The following LCOR variants were observed in gnomAD, a reference collection of about 807,000 sequenced individuals.
LCOR encodes the protein ligand dependent nuclear receptor corepressor.
Under a neutral mutation model 64.4 loss-of-function variants are expected in LCOR, and 14 were observed. The observed-to-expected ratio is 0.22, with a 90% CI of 0.14 to 0.34. The LOEUF is 0.34. Ranked by LOEUF, LCOR falls within the 10% of genes least tolerant of loss-of-function variation. The pLI is 1.00. For missense variants in LCOR, 1,686 were observed against 1,765.3 expected (o/e 0.96, Z 0.80); for synonymous variants, 643 against 642.5 (o/e 1.00, Z -0.01).
intron 2 of LCOR, among the ~76,000 whole-genome samples, chr10:96,856,305 G>A (rs142055418): frequency 2.0e-5 from 3 of 152,148 alleles, no homozygotes; most frequent in African/African-American, 7.2e-5. Flanking sequence ...CTTGTGATCC[G>A]CCCACTTGGC....
chr10:96,901,401 A>G (rs1846635250), intron 2 of LCOR, among the ~76,000 whole-genome samples: 1 of 152,164 alleles, frequency 6.6e-6, no homozygotes, highest in African/African-American at 2.4e-5. Flanking sequence ...TATTTTAAGT[A>G]AAATTAAGTG....
At chr10:96,910,337 T>C (rs891559598) in intron 4 of LCOR, among the ~76,000 whole-genome samples, 6 of 152,288 alleles carry the variant, frequency 3.9e-5, no homozygotes, top group Non-Finnish European at 7.3e-5. Flanking sequence ...ATTTGACAGC[T>C]CAGCTGGTTC....
intron 4 of LCOR, among the ~76,000 whole-genome samples, chr10:96,937,883 G>A (rs1051171512): frequency 1.2e-4 from 18 of 152,240 alleles, no homozygotes; most frequent in African/African-American, 3.6e-4. Context: ...CATATAAAAA[G>A]TGTTATACAC....
At chr10:96,837,585 G>A (rs551236435) in intron 2 of LCOR, among the ~76,000 whole-genome samples, 9 of 152,230 alleles carry the variant, frequency 5.9e-5, no homozygotes, top group Admixed American at 3.3e-4. Context: ...ACCTTTACAG[G>A]GACAATATTA....
intron 7 of LCOR, among the ~76,000 whole-genome samples, chr10:96,976,002 C>T (rs1158727904): frequency 6.6e-6 from 1 of 152,040 alleles, no homozygotes; most frequent in Admixed American, 6.6e-5. Flanking sequence ...GCAACAACAG[C>T]GAAACACACA....
intron 7 of LCOR, chr10:96,955,364 A>C (rs745893814): frequency 6.2e-7 from 1 of 1,614,172 alleles, no homozygotes; most frequent in South Asian, 1.1e-5. Flanking sequence ...TGAGCCATTC[A>C]TCTCCTGTAG....
chr10:96,956,230 TG>T, intron 7 of LCOR: 1 of 1,050,510 alleles, frequency 9.5e-7, no homozygotes, highest in Non-Finnish European at 1.1e-6. Flanking sequence ...CATGCTTTTT[TG>T]TTTTTTTTTG....
chr10:96,930,678 C>G (rs189244871), intron 4 of LCOR, among the ~76,000 whole-genome samples: 77 of 152,266 alleles, frequency 5.1e-4, no homozygotes. Context: ...GGGTCCTCTC[C>G]AAAATTCAGG....
chr10:96,920,135 C>T (rs569635410), intron 4 of LCOR, among the ~76,000 whole-genome samples: 1 of 151,382 alleles, frequency 6.6e-6, no homozygotes, highest in Non-Finnish European at 1.5e-5. Flanking sequence ...CCAATTTTTC[C>T]GCATTGTTGC....
In LCOR at chr10:96,991,062, C is replaced by T. The variant is rs796603067; in HGVS notation, c.*5928C>T. On this transcript the variant is annotated 3_prime_UTR_variant, in exon 8 of 8. Coordinates refer to ENST00000421806, the MANE Select transcript of LCOR (RefSeq NM_001346516.2). ...AAAAAAAAAGCAACTATATGTGGCCCGCATAGCCTGAAATATTTACTTCCT... is the reference window on the plus strand; with the variant it reads ...AAAAAAAAAGCAACTATATGTGGCCTGCATAGCCTGAAATATTTACTTCCT... 6.7e-6 allele frequency: 1 copy of T among 149,322 alleles called. No homozygotes were observed. The highest frequency in any genetic ancestry group is 1.5e-5 in the Non-Finnish European group (1 of 67,736). The allele number at this position is 149,322 out of a possible 1,614,324, so 9.2% of individuals were successfully genotyped here.
chr10:96,833,323 G>C (rs1057381810), intron 1 of LCOR, 83 bp from the exon 2 acceptor site: 1 of 951,998 alleles, frequency 1.1e-6, no homozygotes, highest in Non-Finnish European at 1.3e-6. Flanking sequence ...CGGAGGGAGC[G>C]CGGACGGGGG....
chr10:96,843,962 A>G (rs1476267465), intron 2 of LCOR, among the ~76,000 whole-genome samples: 2 of 152,198 alleles, frequency 1.3e-5, no homozygotes, highest in African/African-American at 4.8e-5. Flanking sequence ...TGTTGTTAAC[A>G]TCTGTTTTAC....
At chr10:96,912,056 C>T (rs557032030) in intron 4 of LCOR, among the ~76,000 whole-genome samples, 18 of 152,040 alleles carry the variant, frequency 1.2e-4, no homozygotes, top group Non-Finnish European at 8.8e-5. Flanking sequence ...CTCAGTCTCC[C>T]GAGTAGCTGT....
chr10:96,848,973 A>C (rs1287799773), intron 2 of LCOR, among the ~76,000 whole-genome samples: 1 of 147,884 alleles, frequency 6.8e-6, no homozygotes, highest in Non-Finnish European at 1.5e-5. Context: ...CAAGAAACTG[A>C]ATTAATTTTT....
rs566901067 is a variant in LCOR, at chr10:96,865,444, C to T, written c.-330+31965C>T. ...ATGAAGGCATTCTTAGGCAGACATT[C>T]TGTCAGTTTCTATCTCTCTCTTTCC... On this transcript the variant is annotated intron_variant, in intron 2 of 7. Transcript: ENST00000421806. Among the ~76,000 whole-genome samples, 3 of 152,274 alleles carry T rather than the reference C, an allele frequency of 2.0e-5. No individual in the cohort carries two copies. In the South Asian group the frequency reaches 6.2e-4, roughly 32 times the overall value.
At position 96,851,492 on chromosome 10, in the gene LCOR, A is replaced by G. The variant is rs536549517; in HGVS notation, c.-330+18013A>G. Among the ~76,000 whole-genome samples the G allele has an allele frequency of 4.5e-4, 69 of 152,356 alleles. 1 individual carries two copies. The highest frequency in any genetic ancestry group is 8.7e-4 in the Non-Finnish European group (59 of 68,036). On this transcript the variant is annotated intron_variant, in intron 2 of 7. Coordinates refer to ENST00000421806, the MANE Select transcript of LCOR (RefSeq NM_001346516.2). ...TGACGATGAAGATGGTGATGTTAAC[A>G]CTGCCGAAAAAGTGCCTGTGGATGA...
chr10:96,849,458 C>G, intron 2 of LCOR, among the ~76,000 whole-genome samples: 1 of 152,190 alleles, frequency 6.6e-6, no homozygotes, highest in East Asian at 1.9e-4. Context: ...GATTGGCCCG[C>G]CTCGGCCTCC....
At chr10:96,884,855 T>C (rs1399059471) in intron 2 of LCOR, among the ~76,000 whole-genome samples, 1 of 152,208 alleles carries the variant, frequency 6.6e-6, no homozygotes. Context: ...ATGTTACCCA[T>C]ATTAATCAGT....
chr10:96,877,219 T>G (rs941530230), intron 2 of LCOR, among the ~76,000 whole-genome samples: 3 of 151,654 alleles, frequency 2.0e-5, no homozygotes, highest in Non-Finnish European at 4.4e-5. Flanking sequence ...AATCCAGGAG[T>G]TCATAATGAT....
Sources: gnomAD v4.1 joint callset for allele counts (sites outside exome capture counted in the v4.1 genomes callset) on GRCh38, gnomAD v4.1.1 for gene constraint, MANE v1.5 for transcripts, NCBI Gene and HGNC (gene_info 2026-07-23, HGNC 2026-07-21) for gene names.